MIPOL1: variants seen among roughly 807,000 people sequenced by gnomAD.
MIPOL1 encodes mirror-image polydactyly 1.
Under a neutral mutation model 60.9 loss-of-function variants are expected in MIPOL1, and 57 were observed. The observed-to-expected ratio is 0.94, with a 90% CI of 0.76 to 1.17. The LOEUF (loss-of-function observed/expected upper bound fraction) is 1.17, where lower values mean the gene tolerates loss of function less well. Among genes scored for constraint, MIPOL1 ranks in the 50% most tolerant of loss-of-function variants. The probability of loss-of-function intolerance (pLI) is 0.00; values close to 1 mark genes in which losing one functional copy is unlikely to be tolerated. For synonymous variants in MIPOL1, 179 were observed against 168.8 expected (o/e 1.06, Z -0.47); for missense variants, 551 against 511.6 (o/e 1.08, Z -0.74).
Position 37,295,557 on chromosome 14 carries a change from C to T in MIPOL1, c.623+10110C>T, listed in dbSNP as rs148438710. 7.2e-5 allele frequency among the ~76,000 whole-genome samples: 11 copies of T among 152,094 alleles called. 1 individual carries two copies. In the East Asian group the frequency reaches 2.1e-3, roughly 29 times the overall value. On this transcript the variant is annotated intron_variant, in intron 7 of 12. Transcript: ENST00000684589. ...CCATCAGTATGCTGTATCAGGAAAC[C>T]CATCTCACATGCAGAGACACACATA...
chr14:37,326,644 A>G (rs1375466647), intron 9 of MIPOL1, among the ~76,000 whole-genome samples: 3 of 152,202 alleles, frequency 2.0e-5, no homozygotes, highest in Non-Finnish European at 4.4e-5. Context: ...AGCCAGGTCA[A>G]CATTGGTGAG....
At chr14:37,295,645 G>T (rs1365450657) in intron 7 of MIPOL1, among the ~76,000 whole-genome samples, 2 of 152,112 alleles carry the variant, frequency 1.3e-5, no homozygotes, top group East Asian at 1.9e-4. Flanking sequence ...AAAGGCAGGG[G>T]TTGCAATCCT....
intron 12 of MIPOL1, chr14:37,502,673 G>A (rs1356609042): frequency 1.3e-5 from 2 of 152,198 alleles, no homozygotes; most frequent in African/African-American, 4.8e-5. Context: ...AGAAACCAGA[G>A]CAGAAAATCT....
chr14:37,261,860 C>G (rs752390484), intron 3 of MIPOL1, among the ~76,000 whole-genome samples: 5 of 152,022 alleles, frequency 3.3e-5, no homozygotes, highest in Non-Finnish European at 7.4e-5. Context: ...TATTGTGGAG[C>G]CAGAATTCAA....
chr14:37,337,561 G>C (rs2090262952), intron 9 of MIPOL1, among the ~76,000 whole-genome samples: 1 of 150,022 alleles, frequency 6.7e-6, no homozygotes, highest in African/African-American at 2.5e-5. Context: ...GTAGAGATGG[G>C]GTTTCATTAT....
Position 37,549,850 on chromosome 14 carries a change from A to T in MIPOL1, c.*2879A>T, listed in dbSNP as rs75354999. On this transcript the variant is annotated 3_prime_UTR_variant, in exon 13 of 13. Transcript: ENST00000684589. ...GACAATTCATTGCTAATAAAACATAACATGAGTCTCTTTGTACTGTTTTTA... is the reference window on the plus strand; with the variant it reads ...GACAATTCATTGCTAATAAAACATATCATGAGTCTCTTTGTACTGTTTTTA... The T allele has an allele frequency of 2.0e-5, 3 of 151,970 alleles. No homozygotes were observed. Among genetic ancestry groups the T allele is most frequent in the Non-Finnish European group, 4.4e-5 (3 of 67,842 alleles). 9.4% of individuals were successfully genotyped at this position (151,970 alleles called of 1,614,324 possible). A position where few individuals can be genotyped will look rare whatever the true frequency, so the allele number is the denominator to read the frequency against.
intron 6 of MIPOL1, among the ~76,000 whole-genome samples, chr14:37,273,753 G>GT (rs2083456776): frequency 1.3e-5 from 2 of 151,140 alleles, no homozygotes; most frequent in Non-Finnish European, 1.5e-5. Flanking sequence ...ATTCTCTACC[G>GT]TTGGGCACGT....
At chr14:37,277,428 C>A (rs1285681074) in intron 6 of MIPOL1, 1 of 151,214 alleles carries the variant, frequency 6.6e-6, no homozygotes, top group East Asian at 1.9e-4. Context: ...ATAAACTTTT[C>A]TCTTTCACAT....
chr14:37,394,953 A>G (rs1156416396), intron 10 of MIPOL1, among the ~76,000 whole-genome samples: 2 of 152,152 alleles, frequency 1.3e-5, no homozygotes, highest in Non-Finnish European at 2.9e-5. Context: ...AAAGTGAGAG[A>G]TAAGAATCCA....
At chr14:37,414,958 G>A (rs1002990577) in intron 10 of MIPOL1, among the ~76,000 whole-genome samples, 3 of 152,090 alleles carry the variant, frequency 2.0e-5, no homozygotes, top group South Asian at 4.1e-4. Context: ...CTGCATATGT[G>A]TAAATGGATA....
chr14:37,407,842 CTTCTTTTT>C (rs2093616029), intron 10 of MIPOL1, among the ~76,000 whole-genome samples: 3 of 58,062 alleles, frequency 5.2e-5, no homozygotes, highest in African/African-American at 6.5e-5. Context: ...TCTTCTTCTT[CTTCTTTTT>C]TTTTTTTTTT....
intron 1 of MIPOL1, among the ~76,000 whole-genome samples, chr14:37,238,639 T>G (rs1435856696): frequency 6.6e-6 from 1 of 152,070 alleles, no homozygotes; most frequent in Non-Finnish European, 1.5e-5. Context: ...ATCATAGAGA[T>G]GAAACTTTCT....
At chr14:37,418,953 T>TA (rs777847974) in intron 10 of MIPOL1, among the ~76,000 whole-genome samples, 4 of 152,064 alleles carry the variant, frequency 2.6e-5, no homozygotes, top group Non-Finnish European at 4.4e-5. Context: ...ATATATAGTG[T>TA]AAATGCACAC....
intron 9 of MIPOL1, among the ~76,000 whole-genome samples, chr14:37,368,941 G>T (rs1176172105): frequency 6.6e-6 from 1 of 151,892 alleles, no homozygotes; most frequent in African/African-American, 2.4e-5. Context: ...TTACTTAAAA[G>T]TAAAATTTGG....
At position 37,242,324 on chromosome 14, in the gene MIPOL1, A is replaced by G. The variant is rs891049783; in HGVS notation, c.-198-4779A>G. Among the ~76,000 whole-genome samples, 7 of 152,056 alleles carry G rather than the reference A, an allele frequency of 4.6e-5. No individual in the cohort carries two copies. The South Asian group carries it at 6.2e-4, about 14-fold the overall frequency. Reference sequence around the variant, plus strand: ...ATAGTTTCTTATGTATACTTCTGTAAAAAAATAATGTGCCTATTCAAGCAT... The same window carrying G: ...ATAGTTTCTTATGTATACTTCTGTAGAAAAATAATGTGCCTATTCAAGCAT... On this transcript the variant is annotated intron_variant, in intron 1 of 12. Coordinates refer to ENST00000684589, the MANE Select transcript of MIPOL1 (RefSeq NM_001388067.1).
chr14:37,482,873 G>A (rs2094892303), intron 11 of MIPOL1, among the ~76,000 whole-genome samples: 1 of 152,146 alleles, frequency 6.6e-6, no homozygotes, highest in African/African-American at 2.4e-5. Context: ...CTGTCCCTCA[G>A]TATCTGTTAG....
At chr14:37,411,660 A>G (rs1327934740) in intron 10 of MIPOL1, among the ~76,000 whole-genome samples, 1 of 152,116 alleles carries the variant, frequency 6.6e-6, no homozygotes, top group Non-Finnish European at 1.5e-5. Flanking sequence ...CATATTGTCT[A>G]TGGCTACTTT....
chr14:37,363,073 G>A (rs2092336864), intron 9 of MIPOL1, among the ~76,000 whole-genome samples: 1 of 152,142 alleles, frequency 6.6e-6, no homozygotes, highest in Admixed American at 6.5e-5. Flanking sequence ...TTAGCTTGGA[G>A]AAGTTTGTTA....
At chr14:37,311,363 C>T (rs1028786766) in intron 9 of MIPOL1, among the ~76,000 whole-genome samples, 3 of 152,144 alleles carry the variant, frequency 2.0e-5, no homozygotes, top group African/African-American at 7.2e-5. Flanking sequence ...TATCTTTTCT[C>T]CCTCCACTGA....
Sources: gnomAD v4.1 joint callset for allele counts (sites outside exome capture counted in the v4.1 genomes callset) on GRCh38, gnomAD v4.1.1 for gene constraint, MANE v1.5 for transcripts, NCBI Gene and HGNC (gene_info 2026-07-23, HGNC 2026-07-21) for gene names.